FNDC3A: variants seen among roughly 807,000 people sequenced by gnomAD.
The protein encoded by FNDC3A is fibronectin type III domain containing 3A.
Under a neutral mutation model 148.9 loss-of-function variants are expected in FNDC3A, and 32 were observed. The observed-to-expected ratio is 0.21, with a 90% CI of 0.16 to 0.29. The LOEUF is 0.29. Ranked by LOEUF, FNDC3A falls within the 10% of genes least tolerant of loss-of-function variation. The pLI is 1.00. For synonymous variants in FNDC3A, 472 were observed against 473.6 expected, an observed-to-expected ratio of 1.00 and a Z score of 0.04; for missense variants, 1,191 against 1,452.8, an observed-to-expected ratio of 0.82 and a Z score of 2.93.
Position 49,136,463 on chromosome 13 carries a change from C to A in FNDC3A, c.622C>A (p.Pro208Thr). 1.9e-6 allele frequency: 3 copies of A among 1,614,074 alleles called. No individual in the cohort carries two copies. Among genetic ancestry groups the A allele is most frequent in the Non-Finnish European group, 2.5e-6 (3 of 1,180,018 alleles). Residue 208 changes from proline to threonine, a missense_variant, in exon 6 of 26, where the codon CCC (proline) becomes ACC (threonine). Physicochemically the swap from Pro to Thr is conservative, Grantham distance 38. Coordinates refer to ENST00000492622, the MANE Select transcript of FNDC3A (RefSeq NM_001079673.2). ...KDKMSSPPSS[P>T]QKCPSPINEH... ...TAAAATGAGCAGTCCACCATCATCACCCCAGAAATGCCCTTCTCCCATTAA... is the reference window on the plus strand; with the variant it reads ...TAAAATGAGCAGTCCACCATCATCAACCCAGAAATGCCCTTCTCCCATTAA...
At chr13:49,132,958 C>T (rs1378805714) in intron 5 of FNDC3A, among the ~76,000 whole-genome samples, 1 of 152,182 alleles carries the variant, frequency 6.6e-6, no homozygotes, top group Admixed American at 6.5e-5. Flanking sequence ...CTATTTTAAT[C>T]ACTATTGTTT....
intron 4 of FNDC3A, among the ~76,000 whole-genome samples, chr13:49,117,811 A>G (rs1336209404): frequency 6.6e-6 from 1 of 152,200 alleles, no homozygotes; most frequent in Non-Finnish European, 1.5e-5. Context: ...AAATTTTGGT[A>G]TCCACAGAAA....
chr13:49,055,035 G>A (rs1876121605), intron 2 of FNDC3A, among the ~76,000 whole-genome samples: 1 of 150,800 alleles, frequency 6.6e-6, no homozygotes, highest in East Asian at 1.9e-4. Flanking sequence ...GTTGATAGTT[G>A]TTTTCTTAAA....
chr13:49,023,505 A>G (rs545014613), intron 2 of FNDC3A, among the ~76,000 whole-genome samples: 9 of 151,858 alleles, frequency 5.9e-5, no homozygotes, highest in African/African-American at 2.2e-4. Flanking sequence ...AACTCTTAAA[A>G]TAAACATCTT....
intron 2 of FNDC3A, chr13:49,046,643 A>C (rs1215375259): frequency 6.4e-6 from 1 of 156,422 alleles, no homozygotes; most frequent in African/African-American, 2.4e-5. Flanking sequence ...ATCTGTTCTA[A>C]GGAAGATAAC....
chr13:49,033,574 T>G (rs1338154781), intron 2 of FNDC3A, among the ~76,000 whole-genome samples: 1 of 152,108 alleles, frequency 6.6e-6, no homozygotes, highest in Non-Finnish European at 1.5e-5. Context: ...TAGAATAGAT[T>G]GCTGGAGAAG....
chr13:49,035,328 A>T (rs995788447), intron 2 of FNDC3A, among the ~76,000 whole-genome samples: 6 of 152,052 alleles, frequency 3.9e-5, no homozygotes, highest in African/African-American at 1.4e-4. Context: ...TATACACTGT[A>T]TATACATATA....
rs1886542553 is a variant in FNDC3A, at chr13:49,204,148, C to G, written c.3282+864C>G. ...TTAGGCATGAAGTTATAATGGAAAC[C>G]TAGAGGAATTGTCACCTTCCTAGCC... On this transcript the variant is annotated intron_variant, in intron 25 of 25. Coordinates refer to ENST00000492622, the MANE Select transcript of FNDC3A (RefSeq NM_001079673.2). Among the ~76,000 whole-genome samples the G allele has an allele frequency of 3.3e-5, 5 of 152,072 alleles. No homozygotes were observed. The South Asian group carries it at 1.0e-3, about 31-fold the overall frequency.
intron 2 of FNDC3A, among the ~76,000 whole-genome samples, chr13:49,031,297 G>T (rs376384441): frequency 4.8e-4 from 73 of 151,986 alleles, no homozygotes; most frequent in Middle Eastern, 3.4e-3. Context: ...CAGGAGAATC[G>T]CTTGAACCCG....
intron 5 of FNDC3A, among the ~76,000 whole-genome samples, chr13:49,133,641 G>A (rs920064313): frequency 1.1e-4 from 17 of 152,294 alleles, no homozygotes; most frequent in African/African-American, 4.1e-4. Flanking sequence ...ATCTGATCCA[G>A]CATTTCACTG....
intron 2 of FNDC3A, among the ~76,000 whole-genome samples, chr13:49,006,719 A>C (rs941943671): frequency 5.3e-5 from 8 of 151,916 alleles, no homozygotes; most frequent in African/African-American, 1.9e-4. Flanking sequence ...TGAAAAGCTG[A>C]TAGATTTTTT....
chr13:49,079,500 A>G (rs902587488), intron 3 of FNDC3A, among the ~76,000 whole-genome samples: 2 of 152,242 alleles, frequency 1.3e-5, no homozygotes, highest in Non-Finnish European at 2.9e-5. Context: ...AGTTGGTCAG[A>G]TGGACAAAGG....
chr13:49,035,000 T>TA (rs994036082), intron 2 of FNDC3A, among the ~76,000 whole-genome samples: 6 of 152,070 alleles, frequency 3.9e-5, no homozygotes, highest in Non-Finnish European at 8.8e-5. Flanking sequence ...GTACAGTGGT[T>TA]AAAAAACATG....
chr13:49,173,027 G>T (rs1280233437), intron 11 of FNDC3A, among the ~76,000 whole-genome samples: 1 of 152,164 alleles, frequency 6.6e-6, no homozygotes, highest in East Asian at 1.9e-4. Context: ...TTAAAAAAAT[G>T]ACAAAAATAT....
intron 6 of FNDC3A, among the ~76,000 whole-genome samples, chr13:49,137,754 C>T (rs1041222464): frequency 2.0e-5 from 3 of 152,174 alleles, no homozygotes; most frequent in African/African-American, 7.2e-5. Context: ...GTACCCAGTA[C>T]TTTTGATTGT....
chr13:49,163,026 T>G (rs553409449), intron 8 of FNDC3A, among the ~76,000 whole-genome samples: 3 of 152,276 alleles, frequency 2.0e-5, no homozygotes, highest in Admixed American at 6.5e-5. Context: ...GGCACCCAGC[T>G]GTATGAGGTG....
intron 14 of FNDC3A, among the ~76,000 whole-genome samples, chr13:49,184,980 A>T (rs1885492439): frequency 6.6e-6 from 1 of 151,718 alleles, no homozygotes; most frequent in Admixed American, 6.6e-5. Context: ...GAGAGGTTTG[A>T]GGGGAGCGTC....
At chr13:49,076,662 C>T (rs1878136134) in intron 3 of FNDC3A, among the ~76,000 whole-genome samples, 1 of 151,844 alleles carries the variant, frequency 6.6e-6, no homozygotes, top group African/African-American at 2.4e-5. Context: ...CAGCCTGGGA[C>T]ATACAAGGCA....
intron 8 of FNDC3A, 94 bp from the exon 9 acceptor site, chr13:49,167,150 T>C: frequency 1.5e-6 from 1 of 673,646 alleles, no homozygotes; most frequent in Non-Finnish European, 2.5e-6. Context: ...AAAGAAGTAG[T>C]TTCATAAAAT....
Sources: gnomAD v4.1 joint callset for allele counts (sites outside exome capture counted in the v4.1 genomes callset) on GRCh38, gnomAD v4.1.1 for gene constraint, MANE v1.5 for transcripts, NCBI Gene and HGNC (gene_info 2026-07-23, HGNC 2026-07-21) for gene names.